The following GC variants were observed in gnomAD, a reference collection of about 807,000 sequenced individuals.
GC encodes the protein vitamin D-binding protein.
In GC, 43 loss-of-function variants were observed where a neutral mutation model predicts 56.7. The observed-to-expected ratio is 0.76, with a 90% CI of 0.59 to 0.98. The LOEUF is 0.98. Ranked by LOEUF, GC falls within the 50% of genes least tolerant of loss-of-function variation. The probability of loss-of-function intolerance (pLI) is 0.00; values close to 1 mark genes in which losing one functional copy is unlikely to be tolerated. For synonymous variants in GC, 216 were observed against 202.7 expected (o/e 1.07, Z -0.56); for missense variants, 529 against 545.9 (o/e 0.97, Z 0.31).
chr4:71,768,503 C>G lies in GC; in HGVS notation c.129-70G>C, dbSNP rs142494829. On this transcript the variant is annotated intron_variant, in intron 2 of 12. Coordinates refer to ENST00000273951, the MANE Select transcript of GC (RefSeq NM_000583.4). ...TTTTTTTTTGAGACGGAGTCTCGCT[C>G]TGTTACCCAGGCTGGAGTGCAGTGG... The G allele has an allele frequency of 1.6e-3, 2,176 of 1,393,540 alleles. 13 individuals are homozygous for G. The highest frequency in any genetic ancestry group is 0.014 in the East Asian group (574 of 40,412). The allele number at this position is 1,393,540 out of a possible 1,614,324, so 86.3% of individuals were successfully genotyped here. A position where few individuals can be genotyped will look rare whatever the true frequency, so the allele number is the denominator to read the frequency against.
chr4:71,756,943 T>G (rs1473955919), intron 7 of GC, 29 bp from the exon 8 acceptor site: 1 of 1,443,704 alleles, frequency 6.9e-7, no homozygotes, highest in Admixed American at 1.7e-5. Flanking sequence ...GTTTGTGCAT[T>G]GTTAGTTTCC....
intron 1 of GC, among the ~76,000 whole-genome samples, chr4:71,783,338 T>G (rs1207020153): frequency 6.6e-6 from 1 of 151,782 alleles, no homozygotes; most frequent in Non-Finnish European, 1.5e-5. Flanking sequence ...TGTAAAAAAA[T>G]TTTTAAACAT....
At chr4:71,762,897 T>C (rs1742030270) in intron 6 of GC, among the ~76,000 whole-genome samples, 1 of 152,192 alleles carries the variant, frequency 6.6e-6, no homozygotes, top group Non-Finnish European at 1.5e-5. Context: ...CGGGTATGTC[T>C]TTATCAGCGG....
At chr4:71,746,622 A>G (rs1438707238) in intron 11 of GC, among the ~76,000 whole-genome samples, 2 of 151,890 alleles carry the variant, frequency 1.3e-5, no homozygotes, top group Non-Finnish European at 2.9e-5. Context: ...GGGTGGAGTC[A>G]TTATGTGCAA....
upstream of GC, among the ~76,000 whole-genome samples, chr4:71,785,627 CA>C (rs1742814309): frequency 1.3e-5 from 2 of 151,868 alleles, no homozygotes; most frequent in African/African-American, 4.8e-5. Flanking sequence ...TCCATATGGT[CA>C]AGGAGATAGC....
intron 1 of GC, among the ~76,000 whole-genome samples, chr4:71,800,063 CTTCCT>C (rs1165635867): frequency 5.7e-5 from 4 of 70,574 alleles, no homozygotes; most frequent in Non-Finnish European, 1.1e-4. Context: ...TGACACTTCA[CTTCCT>C]TTTTTTTTTT....
At chr4:71,795,419 T>A (rs1243122501) in intron 1 of GC, among the ~76,000 whole-genome samples, 1 of 152,230 alleles carries the variant, frequency 6.6e-6, no homozygotes, top group Non-Finnish European at 1.5e-5. Context: ...GTAATGGCCT[T>A]GTTTGTCTCT....
intron 1 of GC, among the ~76,000 whole-genome samples, chr4:71,801,905 A>G (rs201940357): frequency 1.3e-4 from 7 of 52,778 alleles, no homozygotes; most frequent in African/African-American, 5.5e-4. Context: ...TTTTTTTTTT[A>G]TTGCCTGCCC....
chr4:71,774,176 C>T (rs1002354111), intron 1 of GC, among the ~76,000 whole-genome samples: 4 of 152,018 alleles, frequency 2.6e-5, no homozygotes, highest in Non-Finnish European at 5.9e-5. Context: ...ATAAACTAAT[C>T]TAGAAGTTAA....
At chr4:71,762,121 G>T (rs1039625963) in intron 6 of GC, among the ~76,000 whole-genome samples, 1 of 152,182 alleles carries the variant, frequency 6.6e-6, no homozygotes, top group Non-Finnish European at 1.5e-5. Context: ...GAAAGCAGCT[G>T]GGAGGGAGGC....
At chr4:71,761,935 A>G (rs1029293522) in intron 6 of GC, among the ~76,000 whole-genome samples, 3 of 152,202 alleles carry the variant, frequency 2.0e-5, no homozygotes, top group Non-Finnish European at 2.9e-5. Flanking sequence ...AACCTCTGCT[A>G]TGGCAGTGCA....
chr4:71,792,970 TA>T (rs1743008267), intron 1 of GC, among the ~76,000 whole-genome samples: 1 of 152,156 alleles, frequency 6.6e-6, no homozygotes, highest in Non-Finnish European at 1.5e-5. Context: ...CAGATGGTTG[TA>T]GATGGGTGGT....
chr4:71,742,471 G>A (rs560597076), intron 12 of GC, among the ~76,000 whole-genome samples: 15 of 152,280 alleles, frequency 9.9e-5, no homozygotes, highest in South Asian at 8.3e-4. Flanking sequence ...TAAGGGACAC[G>A]AATCTGTTCC....
At chr4:71,756,651 C>T in intron 8 of GC, 61 bp downstream of exon 8, 1 of 1,144,544 alleles carries the variant, frequency 8.7e-7, no homozygotes, top group Non-Finnish European at 1.3e-6. Flanking sequence ...TCTGGCTGGC[C>T]CCCACTTTTT....
chr4:71,742,235 C>T (rs533519200), intron 12 of GC, among the ~76,000 whole-genome samples: 1 of 152,204 alleles, frequency 6.6e-6, no homozygotes, highest in South Asian at 2.1e-4. Context: ...ATGAGGCCCC[C>T]AATCATCATG....
chr4:71,744,490 A>T (rs1741296186), intron 12 of GC, among the ~76,000 whole-genome samples: 1 of 149,112 alleles, frequency 6.7e-6, no homozygotes, highest in African/African-American at 2.5e-5. Flanking sequence ...GATACTTCTG[A>T]CATTTGTTCT....
intron 3 of GC, among the ~76,000 whole-genome samples, chr4:71,768,043 T>C (rs757770384): frequency 6.6e-5 from 10 of 152,202 alleles, no homozygotes; most frequent in Non-Finnish European, 1.3e-4. Context: ...TAACTCCTTC[T>C]TGCTAGCAAT....
At chr4:71,758,762 T>A (rs993789090) in intron 6 of GC, among the ~76,000 whole-genome samples, 1 of 152,226 alleles carries the variant, frequency 6.6e-6, no homozygotes, top group Admixed American at 6.5e-5. Flanking sequence ...TTAAATATTA[T>A]TTTAAAAAAT....
chr4:71,799,210 C>A (rs148749510), intron 1 of GC, among the ~76,000 whole-genome samples: 5 of 152,106 alleles, frequency 3.3e-5, no homozygotes, highest in Admixed American at 6.6e-5. Context: ...GAAAATCTAC[C>A]ACACTTGGTA....
Sources: allele counts gnomAD v4.1 joint callset (sites outside exome capture counted in the v4.1 genomes callset), GRCh38; gene constraint gnomAD v4.1.1; transcripts MANE v1.5; gene names NCBI Gene and HGNC (gene_info 2026-07-23, HGNC 2026-07-21).